Variants in AMPH observed in about 807,000 individuals in gnomAD.
AMPH encodes the protein amphiphysin (Stiff-Mann syndrome with breast cancer 128kD autoantigen).
AMPH carries 49 observed loss-of-function variants against 99.1 expected under a neutral mutation model. The ratio of observed to expected loss-of-function variants is 0.49; its 90% CI spans 0.39 to 0.63. The LOEUF is 0.63. AMPH is among the 20% of genes least tolerant of loss of function. The pLI, the probability that AMPH is intolerant of heterozygous loss-of-function variation, is 0.00. For missense variants in AMPH, 759 were observed against 863.4 expected (o/e 0.88, Z 1.52); for synonymous variants, 314 against 317.3 (o/e 0.99, Z 0.11).
intron 11 of AMPH, among the ~76,000 whole-genome samples, chr7:38,451,362 A>ATATATGTATATATACATGTG (rs1787018747): frequency 1.3e-5 from 2 of 149,818 alleles, no homozygotes; most frequent in Non-Finnish European, 2.9e-5. Flanking sequence ...ATATACACGT[A>ATATATGTATATATACATGTG]TATATATGTG....
rs1408759473 is a variant in AMPH, at chr7:38,406,728, TTCCCTCTCTC to T, written c.1398+11087_1398+11096del. Among the ~76,000 whole-genome samples, 238 of 53,984 alleles carry T rather than the reference TTCCCTCTCTC, an allele frequency of 4.4e-3. 7 individuals are homozygous for T. Among genetic ancestry groups the T allele is most frequent in the South Asian group, 0.024 (38 of 1,588 alleles). The allele number at this position is 53,984 out of a possible 152,430, so 35.4% of individuals were successfully genotyped here. On this transcript the variant is annotated intron_variant, in intron 17 of 20. Coordinates refer to ENST00000356264, the MANE Select transcript of AMPH (RefSeq NM_001635.4). Reference sequence around the variant, plus strand: ...TCTCTCCTCTCCTCTCTCTCTCCCTTTCCCTCTCTCTCTCTCTCTCTCTCTCTCTCTCTCT... The same window carrying T: ...TCTCTCCTCTCCTCTCTCTCTCCCTTTCTCTCTCTCTCTCTCTCTCTCTCT...
intron 6 of AMPH, 139 bp from the exon 7 acceptor site, chr7:38,475,555 T>C: frequency 1.7e-6 from 1 of 601,128 alleles, no homozygotes; most frequent in Admixed American, 3.2e-5. Context: ...TAAAAGCATA[T>C]CCTTGTTTTT....
At chr7:38,573,419 T>A (rs540956636) in intron 1 of AMPH, among the ~76,000 whole-genome samples, 1 of 152,344 alleles carries the variant, frequency 6.6e-6, no homozygotes, top group Admixed American at 6.5e-5. Flanking sequence ...CACACAAGCA[T>A]AATTTTGAAC....
chr7:38,504,479 A>G lies in AMPH; in HGVS notation c.151-775T>C, dbSNP rs571579357. ...AGAAATGCCAATAGGAGAGTAGAGAAGTGAGGCAGAGAAGGGAAGATAGCT... is the reference window on the plus strand; with the variant it reads ...AGAAATGCCAATAGGAGAGTAGAGAGGTGAGGCAGAGAAGGGAAGATAGCT... On this transcript the variant is annotated intron_variant, in intron 2 of 20. Coordinates refer to ENST00000356264, the MANE Select transcript of AMPH (RefSeq NM_001635.4). Among the ~76,000 whole-genome samples, 3 of 152,336 alleles carry G rather than the reference A, an allele frequency of 2.0e-5. No individual in the cohort carries two copies. In the East Asian group the frequency reaches 5.8e-4, roughly 29 times the overall value.
At chr7:38,429,295 G>A in intron 14 of AMPH, 3 of 1,286,888 alleles carry the variant, frequency 2.3e-6, no homozygotes, top group Non-Finnish European at 3.0e-6. Flanking sequence ...GGAAAGGCTG[G>A]CCCCGGGGCA....
chr7:38,448,328 T>C (rs545319683), intron 11 of AMPH, among the ~76,000 whole-genome samples: 3 of 152,344 alleles, frequency 2.0e-5, no homozygotes, highest in Non-Finnish European at 2.9e-5. Context: ...ACAAAGTTTA[T>C]TGTAGTATAC....
intron 1 of AMPH, among the ~76,000 whole-genome samples, chr7:38,595,375 T>A (rs552266333): frequency 2.0e-5 from 3 of 152,240 alleles, no homozygotes; most frequent in African/African-American, 7.2e-5. Context: ...AAAAGATATG[T>A]CTGCAGTCTG....
intron 17 of AMPH, among the ~76,000 whole-genome samples, chr7:38,395,707 T>C (rs1164649846): frequency 6.6e-6 from 1 of 152,210 alleles, no homozygotes; most frequent in Non-Finnish European, 1.5e-5. Context: ...TTGAATACAT[T>C]CTATCCAGTT....
At position 38,428,916 on chromosome 7, in the gene AMPH, T is replaced by C; in HGVS notation, c.1182+926A>G. The C allele has an allele frequency of 4.2e-6, 4 of 945,788 alleles. No individual in the cohort carries two copies. In the South Asian group the frequency reaches 5.4e-5, roughly 13 times the overall value. 58.6% of individuals were successfully genotyped at this position (945,788 alleles called of 1,614,324 possible). On this transcript the variant is annotated intron_variant, in intron 14 of 20. Coordinates refer to ENST00000356264, the MANE Select transcript of AMPH (RefSeq NM_001635.4). ...TAGATCTTTTCTAGTTTCCACTTCA[T>C]TAATTTTTAAGGTCTTATGGTCTTC...
chr7:38,384,649 T>C lies in AMPH; in HGVS notation c.*169A>G, dbSNP rs1784301746. ...AGGATTTTTTCCTTAATTTACTTTT[T>C]TTCCTCTTACATTTTTTTGCACACA... On this transcript the variant is annotated 3_prime_UTR_variant, in exon 21 of 21. Transcript: ENST00000356264. 4 of 548,524 alleles carry C rather than the reference T, an allele frequency of 7.3e-6. No individual in the cohort carries two copies. The highest frequency in any genetic ancestry group is 3.1e-5 in the South Asian group (1 of 32,164). The allele number at this position is 548,524 out of a possible 1,614,324, so 34.0% of individuals were successfully genotyped here.
intron 11 of AMPH, among the ~76,000 whole-genome samples, chr7:38,439,124 T>C (rs879438984): frequency 6.6e-6 from 1 of 152,220 alleles, no homozygotes; most frequent in African/African-American, 2.4e-5. Context: ...TGCCACCATT[T>C]AAGATGTGCC....
intron 1 of AMPH, among the ~76,000 whole-genome samples, chr7:38,587,423 G>T (rs1477537469): frequency 6.6e-6 from 1 of 152,136 alleles, no homozygotes; most frequent in East Asian, 1.9e-4. Context: ...GTTATCTGTG[G>T]TATTTAAGTC....
chr7:38,441,750 CAT>C lies in AMPH; in HGVS notation c.1018-5364_1018-5363del, dbSNP rs1305833487. On this transcript the variant is annotated intron_variant, in intron 11 of 20. Transcript: ENST00000356264. The stretch of plus-strand genomic sequence containing the variant: ...AAAATGATATATATGACAGATATAT[CAT>C]ATATATATCATATATATGATATATA... Among the ~76,000 whole-genome samples, 39 of 101,948 alleles carry C rather than the reference CAT, an allele frequency of 3.8e-4. 2 individuals carry two copies. The highest frequency in any genetic ancestry group is 1.5e-3 in the African/African-American group (35 of 22,778). The allele number at this position is 101,948 out of a possible 152,430, so 66.9% of individuals were successfully genotyped here. A position where few individuals can be genotyped will look rare whatever the true frequency, so the allele number is the denominator to read the frequency against.
intron 1 of AMPH, among the ~76,000 whole-genome samples, chr7:38,628,530 T>C (rs141274176): frequency 6.6e-5 from 10 of 152,342 alleles, no homozygotes; most frequent in African/African-American, 2.4e-4. Flanking sequence ...GTATAATCCA[T>C]ACATTCCAAT....
rs1460908935 is a variant in AMPH at position 38,392,168 on chromosome 7, G to A, written c.1609-151C>T. 7.2e-5 allele frequency: 51 copies of A among 709,244 alleles called. No individual in the cohort carries two copies. The South Asian group carries it at 7.6e-4, about 11-fold the overall frequency. 43.9% of individuals were successfully genotyped at this position (709,244 alleles called of 1,614,324 possible). Reference sequence around the variant, plus strand: ...CAGACTCAGGTCTGGGCCTTCCGCTGTGCCACACAGCCTCCTTCTGTTCCT... The same window carrying A: ...CAGACTCAGGTCTGGGCCTTCCGCTATGCCACACAGCCTCCTTCTGTTCCT... On this transcript the variant is annotated intron_variant, in intron 18 of 20. Transcript: ENST00000356264.
At chr7:38,455,318 G>A (rs550585836) in intron 11 of AMPH, among the ~76,000 whole-genome samples, 23 of 152,180 alleles carry the variant, frequency 1.5e-4, no homozygotes, top group Non-Finnish European at 2.4e-4. Flanking sequence ...TGATCTGCCC[G>A]CCTTGGCCTC....
chr7:38,429,289 A>AG, intron 14 of AMPH: 2 of 1,286,488 alleles, frequency 1.6e-6, no homozygotes, highest in Non-Finnish European at 2.0e-6. Context: ...CCACCTGGAA[A>AG]GGCTGGCCCC....
At chr7:38,436,506 T>A in intron 11 of AMPH, 118 bp from the exon 12 acceptor site, 1 of 753,548 alleles carries the variant, frequency 1.3e-6, no homozygotes, top group South Asian at 1.7e-5. Flanking sequence ...CAAAACACAC[T>A]TTTATAAGCA....
At chr7:38,629,203 G>A (rs1360592427) in intron 1 of AMPH, among the ~76,000 whole-genome samples, 1 of 152,170 alleles carries the variant, frequency 6.6e-6, no homozygotes, top group African/African-American at 2.4e-5. Context: ...GGGCTGGGCT[G>A]CTTTACCTGG....
Sources: allele counts gnomAD v4.1 joint callset (sites outside exome capture counted in the v4.1 genomes callset), GRCh38; gene constraint gnomAD v4.1.1; transcripts MANE v1.5; gene names NCBI Gene and HGNC (gene_info 2026-07-23, HGNC 2026-07-21).